Variants in PROX1 observed in about 807,000 individuals in gnomAD.
PROX1 encodes the protein prospero homeobox protein 1.
Under a neutral mutation model 58.8 loss-of-function variants are expected in PROX1, and 7 were observed. The ratio of observed to expected loss-of-function variants is 0.12; its 90% CI spans 0.07 to 0.22. The LOEUF (loss-of-function observed/expected upper bound fraction) is 0.22. Among genes scored for constraint, PROX1 ranks in the 10% least tolerant of loss-of-function variants. The pLI, the probability that PROX1 is intolerant of heterozygous loss-of-function variation, is 1.00. For synonymous variants in PROX1, 350 were observed against 358.3 expected, an observed-to-expected ratio of 0.98 and a Z score of 0.26; for missense variants, 675 against 927.8, an observed-to-expected ratio of 0.73 and a Z score of 3.54.
At chr1:214,027,163 G>A (rs1383169977) in intron 4 of PROX1, among the ~76,000 whole-genome samples, 1 of 152,056 alleles carries the variant, frequency 6.6e-6, no homozygotes, top group Non-Finnish European at 1.5e-5. Context: ...GGGCTATTGG[G>A]TGGCTCATCA....
At chr1:214,018,899 G>A (rs934271777) in intron 4 of PROX1, among the ~76,000 whole-genome samples, 9 of 152,076 alleles carry the variant, frequency 5.9e-5, no homozygotes, top group Non-Finnish European at 1.3e-4. Context: ...ACCAAAAAGG[G>A]GGTCATAAAA....
intron 4 of PROX1, among the ~76,000 whole-genome samples, chr1:214,015,437 G>T (rs2102740079): frequency 6.6e-6 from 1 of 152,104 alleles, no homozygotes; most frequent in South Asian, 2.1e-4. Flanking sequence ...AATTTTATGG[G>T]CAGAAAGAGC....
At chr1:213,996,368 C>T (rs1663263210) in intron 1 of PROX1, 101 bp from the exon 2 acceptor site, 1 of 707,010 alleles carries the variant, frequency 1.4e-6, no homozygotes, top group South Asian at 2.5e-5. Flanking sequence ...TGCCATAAAT[C>T]CCAGAGCCTA....
intron 1 of PROX1, among the ~76,000 whole-genome samples, chr1:213,992,098 TG>T (rs1422903979): frequency 6.6e-6 from 1 of 152,214 alleles, no homozygotes; most frequent in African/African-American, 2.4e-5. Context: ...TCTGATAAGT[TG>T]TTACTTTTTA....
At chr1:213,991,179 C>T (rs547710251) in intron 1 of PROX1, among the ~76,000 whole-genome samples, 1 of 152,270 alleles carries the variant, frequency 6.6e-6, no homozygotes, top group East Asian at 1.9e-4. Context: ...AGGACTGTGG[C>T]TTGATGTGTG....
rs1342046155 is a variant in PROX1, at chr1:214,041,098, C to G, written c.*5264C>G. 6.6e-6 allele frequency: 1 copy of G among 151,908 alleles called. No homozygotes were observed. Among genetic ancestry groups the G allele is most frequent in the Admixed American group, 6.6e-5 (1 of 15,262 alleles). 9.4% of individuals were successfully genotyped at this position (151,908 alleles called of 1,614,324 possible). Reference sequence around the variant, plus strand: ...GGGGTTTTACTTTGTGTGTTTTAAGCTTTTGTATACTCTCCAAACTTTTAC... The same window carrying G: ...GGGGTTTTACTTTGTGTGTTTTAAGGTTTTGTATACTCTCCAAACTTTTAC... On this transcript the variant is annotated 3_prime_UTR_variant, in exon 5 of 5. Transcript: ENST00000366958.
At chr1:213,990,299 A>G (rs1023193148) in intron 1 of PROX1, among the ~76,000 whole-genome samples, 11 of 151,442 alleles carry the variant, frequency 7.3e-5, no homozygotes, top group African/African-American at 1.5e-4. Context: ...GTGTGTCTGT[A>G]CAGCTCTAGA....
upstream of PROX1, chr1:213,987,730 A>G (rs571811387): frequency 1.4e-5 from 1 of 69,914 alleles, no homozygotes; most frequent in Admixed American, 1.4e-4. Context: ...GGGGCCGGGG[A>G]TGGAGGCCGG....
intron 2 of PROX1, among the ~76,000 whole-genome samples, chr1:214,000,059 CACACACAG>C (rs1663442382): frequency 6.6e-6 from 1 of 152,018 alleles, no homozygotes; most frequent in African/African-American, 2.4e-5. Flanking sequence ...CACACACACA[CACACACAG>C]ACACACACAC....
At chr1:214,030,558 GGA>G (rs908079651) in intron 4 of PROX1, 1 of 152,284 alleles carries the variant, frequency 6.6e-6, no homozygotes, top group African/African-American at 2.4e-5. Context: ...TGAGGAGGGA[GGA>G]GTGTCCATGG....
intron 4 of PROX1, among the ~76,000 whole-genome samples, chr1:214,018,791 A>C (rs1007470927): frequency 2.6e-5 from 4 of 152,168 alleles, no homozygotes; most frequent in African/African-American, 9.7e-5. Context: ...GCCAGAATCA[A>C]TTCTGCCCCC....
intron 1 of PROX1, among the ~76,000 whole-genome samples, chr1:213,993,774 T>G (rs906781603): frequency 3.3e-5 from 5 of 152,226 alleles, no homozygotes; most frequent in African/African-American, 1.2e-4. Flanking sequence ...ATTATATAAT[T>G]TATCTTATTT....
In PROX1 at chr1:213,996,634, T is replaced by C. The variant is rs144507992; in HGVS notation, c.99T>C (p.Phe33=). The change falls in exon 2 of 5, where the codon TTT becomes TTC. Residue 33 remains phenylalanine (F), a synonymous_variant. Coordinates refer to ENST00000366958, the MANE Select transcript of PROX1 (RefSeq NM_001270616.2). The stretch of plus-strand genomic sequence containing the variant: ...GGACGGTAGGGACAGCATCTGCATT[T>C]TTTGCTAAGGCAAGAGCAACGTTTT... ...VKRTVGTASA[F]FAKARATFFS... is the part of the protein sequence containing the mutation. The C allele has an allele frequency of 4.8e-4, 782 of 1,614,040 alleles. 2 individuals are homozygous for C. Among genetic ancestry groups the C allele is most frequent in the Non-Finnish European group, 6.1e-4 (720 of 1,180,048 alleles).
In PROX1 at chr1:214,038,061, A is replaced by G. The variant is rs1664887788; in HGVS notation, c.*2227A>G. On this transcript the variant is annotated 3_prime_UTR_variant, in exon 5 of 5. Coordinates refer to ENST00000366958, the MANE Select transcript of PROX1 (RefSeq NM_001270616.2). ...CTTTTTGATCTGGGGCGAGTTCAAT[A>G]TTGATTCCAGACTTATTTGGATTTT... 1 of 152,198 alleles carries G rather than the reference A, an allele frequency of 6.6e-6. No individual in the cohort carries two copies. The highest frequency in any genetic ancestry group is 6.5e-5 in the Admixed American group (1 of 15,280). 9.4% of individuals were successfully genotyped at this position (152,198 alleles called of 1,614,324 possible).
chr1:214,035,560 C>A, intron 4 of PROX1, 89 bp from the exon 5 acceptor site: 1 of 1,359,516 alleles, frequency 7.4e-7, no homozygotes, highest in Non-Finnish European at 9.9e-7. Context: ...CCCCTTTCTG[C>A]AAGAATGATC....
In PROX1 at chr1:213,992,232, G is replaced by T. The variant is rs186227111; in HGVS notation, c.-68+3749G>T. The stretch of plus-strand genomic sequence containing the variant: ...TCTTAAATGAAATCTTAAATGATTT[G>T]AGAAGTATATTATGACAGGAAATTT... On this transcript the variant is annotated intron_variant, in intron 1 of 4. Coordinates refer to ENST00000366958, the MANE Select transcript of PROX1 (RefSeq NM_001270616.2). Among the ~76,000 whole-genome samples the T allele has an allele frequency of 3.3e-5, 5 of 152,242 alleles. No individual in the cohort carries two copies. The East Asian group carries it at 9.6e-4, about 29-fold the overall frequency.
At chr1:214,025,777 T>G (rs1221260283) in intron 4 of PROX1, among the ~76,000 whole-genome samples, 1 of 151,724 alleles carries the variant, frequency 6.6e-6, no homozygotes, top group African/African-American at 2.4e-5. Flanking sequence ...ATTCTCTGCC[T>G]CAGCCTCCTG....
chr1:213,993,573 A>G (rs913300840), intron 1 of PROX1, among the ~76,000 whole-genome samples: 1 of 152,178 alleles, frequency 6.6e-6, no homozygotes, highest in African/African-American at 2.4e-5. Context: ...ATTCATATAG[A>G]TATCTTGTTT....
At chr1:213,998,287 A>T in intron 2 of PROX1, 27 bp downstream of exon 2, 1 of 1,516,894 alleles carries the variant, frequency 6.6e-7, no homozygotes, top group East Asian at 2.3e-5. Context: ...CCCTCGAGGA[A>T]AAAACAAACC....
Sources: allele counts gnomAD v4.1 joint callset (sites outside exome capture counted in the v4.1 genomes callset), GRCh38; gene constraint gnomAD v4.1.1; transcripts MANE v1.5; gene names NCBI Gene and HGNC (gene_info 2026-07-23, HGNC 2026-07-21).